Variants in EFNA5 observed in about 807,000 individuals in gnomAD.
EFNA5 encodes ephrin-A5.
In EFNA5, 5 loss-of-function variants were observed where a neutral mutation model predicts 22.9. The observed-to-expected ratio is 0.22, with a 90% confidence interval of 0.11 to 0.46. The LOEUF (loss-of-function observed/expected upper bound fraction) is 0.46, where lower values mean the gene tolerates loss of function less well. EFNA5 is among the 20% of genes least tolerant of loss of function. The pLI, the probability that EFNA5 is intolerant of heterozygous loss-of-function variation, is 0.99. For synonymous variants in EFNA5, 113 were observed against 112.2 expected (o/e 1.01, Z -0.04); for missense variants, 237 against 293.3 (o/e 0.81, Z 1.40).
At chr5:107,448,301 C>T (rs905571017) in intron 1 of EFNA5, among the ~76,000 whole-genome samples, 6 of 152,298 alleles carry the variant, frequency 3.9e-5, no homozygotes, top group African/African-American at 1.2e-4. Context: ...CTCCCTGGCA[C>T]CTGCCAGTAA....
At chr5:107,436,914 AAAT>A (rs1365532729) in intron 1 of EFNA5, among the ~76,000 whole-genome samples, 1 of 151,408 alleles carries the variant, frequency 6.6e-6, no homozygotes, top group African/African-American at 2.4e-5. Flanking sequence ...ACAGTTTCAA[AAAT>A]AATAATAATA....
At chr5:107,473,736 C>G (rs1317931457) in intron 1 of EFNA5, among the ~76,000 whole-genome samples, 3 of 150,684 alleles carry the variant, frequency 2.0e-5, no homozygotes, top group African/African-American at 7.4e-5. Flanking sequence ...TCTCGGCTCA[C>G]TGCAACCTCT....
chr5:107,483,566 G>T (rs1338678783), intron 1 of EFNA5, among the ~76,000 whole-genome samples: 1 of 152,162 alleles, frequency 6.6e-6, no homozygotes, highest in African/African-American at 2.4e-5. Context: ...TGATTTAAGA[G>T]AACTCCTGAC....
chr5:107,491,996 G>C (rs1746818605), intron 1 of EFNA5, among the ~76,000 whole-genome samples: 1 of 151,942 alleles, frequency 6.6e-6, no homozygotes, highest in African/African-American at 2.4e-5. Flanking sequence ...CACTATGCCA[G>C]GCTAATTTTT....
chr5:107,594,409 G>A (rs1749434039), intron 1 of EFNA5, among the ~76,000 whole-genome samples: 1 of 152,144 alleles, frequency 6.6e-6, no homozygotes, highest in African/African-American at 2.4e-5. Context: ...GTCTTCCAAG[G>A]CAGGGGGCAG....
In EFNA5 at chr5:107,504,710, G is replaced by A. The variant is rs114598931; in HGVS notation, c.126-77201C>T. ...CCTATCCCCAAGATATTTGGTAGGA[G>A]TACATGAAAAAGTGTTGTCGAAGCC... On this transcript the variant is annotated intron_variant, in intron 1 of 4. Transcript: ENST00000333274. Among the ~76,000 whole-genome samples, 982 of 152,266 alleles carry A rather than the reference G, an allele frequency of 6.4e-3. 5 individuals carry two copies. Among genetic ancestry groups the A allele is most frequent in the Middle Eastern group, 0.031 (9 of 292 alleles).
chr5:107,542,312 T>A (rs1748065586), intron 1 of EFNA5, among the ~76,000 whole-genome samples: 1 of 152,210 alleles, frequency 6.6e-6, no homozygotes, highest in Non-Finnish European at 1.5e-5. Flanking sequence ...AAGTCAACTC[T>A]GCTAAGAGTT....
chr5:107,605,758 A>G (rs1749699083), intron 1 of EFNA5, among the ~76,000 whole-genome samples: 1 of 152,206 alleles, frequency 6.6e-6, no homozygotes, highest in Non-Finnish European at 1.5e-5. Flanking sequence ...TTCTTACAAG[A>G]ACCTCCCTTT....
intron 1 of EFNA5, among the ~76,000 whole-genome samples, chr5:107,572,080 T>C (rs1748825203): frequency 6.6e-6 from 1 of 152,064 alleles, no homozygotes; most frequent in South Asian, 2.1e-4. Context: ...AATAAAATGC[T>C]TCTGGAGTCT....
intron 1 of EFNA5, among the ~76,000 whole-genome samples, chr5:107,622,952 C>T (rs529067513): frequency 0.019 from 2,485 of 128,742 alleles, 30 homozygotes; most frequent in Middle Eastern, 0.042. Flanking sequence ...ACCCGGGAAG[C>T]GGAGCTTGCA....
At chr5:107,381,460 G>A (rs533867606) in intron 4 of EFNA5, 84 bp from the exon 5 acceptor site, 15 of 1,444,590 alleles carry the variant, frequency 1.0e-5, no homozygotes, top group East Asian at 9.5e-5. Flanking sequence ...AACAGACCTC[G>A]CCACCCTCTG....
At chr5:107,504,729 C>T (rs577371639) in intron 1 of EFNA5, among the ~76,000 whole-genome samples, 2 of 152,068 alleles carry the variant, frequency 1.3e-5, no homozygotes, top group Admixed American at 6.6e-5. Context: ...AAAGTGTTGT[C>T]GAAGCCTATT....
At position 107,665,670 on chromosome 5, in the gene EFNA5, A is replaced by G. The variant is rs145460184; in HGVS notation, c.125+4819T>C. Among the ~76,000 whole-genome samples, 1,128 of 152,328 alleles carry G rather than the reference A, an allele frequency of 7.4e-3. 9 individuals are homozygous for G. The highest frequency in any genetic ancestry group is 0.025 in the African/African-American group (1,058 of 41,566). ...AATGTTCCTATCATCTAAAAATCAG[A>G]CAGTTGAGTATTTCTGATAGTTTAT... On this transcript the variant is annotated intron_variant, in intron 1 of 4. Transcript: ENST00000333274.
At chr5:107,584,923 T>G (rs1306165772) in intron 1 of EFNA5, among the ~76,000 whole-genome samples, 1 of 152,166 alleles carries the variant, frequency 6.6e-6, no homozygotes. Flanking sequence ...GACAAGGTAA[T>G]CAGAGTGGTC....
intron 1 of EFNA5, among the ~76,000 whole-genome samples, chr5:107,586,820 G>C (rs1366403792): frequency 1.3e-5 from 2 of 152,172 alleles, no homozygotes; most frequent in Non-Finnish European, 2.9e-5. Flanking sequence ...AAAAATTAGA[G>C]ATAATTTTGT....
At chr5:107,612,349 A>G (rs1462916677) in intron 1 of EFNA5, among the ~76,000 whole-genome samples, 1 of 152,172 alleles carries the variant, frequency 6.6e-6, no homozygotes, top group African/African-American at 2.4e-5. Flanking sequence ...GAGGAATGTC[A>G]GGTAAGACCA....
At position 107,653,522 on chromosome 5, in the gene EFNA5, C is replaced by T. The variant is rs557511901; in HGVS notation, c.125+16967G>A. On this transcript the variant is annotated intron_variant, in intron 1 of 4. Coordinates refer to ENST00000333274, the MANE Select transcript of EFNA5 (RefSeq NM_001962.3). Reference sequence around the variant, plus strand: ...TTGAGCAGGGCTCAAGCCCCAGACCCAGTCAATATTTACTTCAGTTTGGAG... The same window carrying T: ...TTGAGCAGGGCTCAAGCCCCAGACCTAGTCAATATTTACTTCAGTTTGGAG... Among the ~76,000 whole-genome samples, 3 of 152,292 alleles carry T rather than the reference C, an allele frequency of 2.0e-5. No homozygotes were observed. In the East Asian group the frequency reaches 5.8e-4, roughly 29 times the overall value.
chr5:107,506,325 T>C (rs941801890), intron 1 of EFNA5: 2 of 152,222 alleles, frequency 1.3e-5, no homozygotes, highest in Admixed American at 6.5e-5. Context: ...AAACATCCAG[T>C]AGAGTAAATG....
chr5:107,475,544 G>A (rs1444650024), intron 1 of EFNA5, among the ~76,000 whole-genome samples: 1 of 152,170 alleles, frequency 6.6e-6, no homozygotes, highest in Non-Finnish European at 1.5e-5. Context: ...AATGTCAAGA[G>A]ATTCTAAGGC....
Sources: allele counts gnomAD v4.1 joint callset (sites outside exome capture counted in the v4.1 genomes callset), GRCh38; gene constraint gnomAD v4.1.1; transcripts MANE v1.5; gene names NCBI Gene and HGNC (gene_info 2026-07-23, HGNC 2026-07-21).